The following LRP2 variants were observed in gnomAD, a reference collection of about 807,000 sequenced individuals.
The protein encoded by LRP2 is low-density lipoprotein receptor-related protein 2.
LRP2 carries 172 observed loss-of-function variants against 531.0 expected under a neutral mutation model. The observed-to-expected ratio is 0.32, with a 90% CI of 0.29 to 0.37. The LOEUF (loss-of-function observed/expected upper bound fraction) is 0.37. Ranked by LOEUF, LRP2 falls within the 10% of genes least tolerant of loss-of-function variation. The pLI is 1.00. For synonymous variants in LRP2, 1,992 were observed against 2,027.6 expected (o/e 0.98, Z 0.47); for missense variants, 5,167 against 5,868.3 (o/e 0.88, Z 3.90).
At chr2:169,171,735 GGAAAAAAAAGT>G (rs1687012286) in intron 58 of LRP2, among the ~76,000 whole-genome samples, 1 of 151,628 alleles carries the variant, frequency 6.6e-6, no homozygotes, top group Non-Finnish European at 1.5e-5. Flanking sequence ...AACTTCTTTT[GGAAAAAAAAGT>G]TGGATGTAAA....
rs961557481 is a variant in LRP2, at chr2:169,261,662, G to T, written c.2321-2445C>A. Among the ~76,000 whole-genome samples the T allele has an allele frequency of 3.9e-5, 6 of 152,174 alleles. No homozygotes were observed. In the East Asian group the frequency reaches 7.8e-4, roughly 20 times the overall value. On this transcript the variant is annotated intron_variant, in intron 16 of 78. Coordinates refer to ENST00000649046, the MANE Select transcript of LRP2 (RefSeq NM_004525.3). ...GGATTCACAGCCGAATTCTACCAGAGGTACAAGGAGGAACTGGTACCATTC... is the reference window on the plus strand; with the variant it reads ...GGATTCACAGCCGAATTCTACCAGATGTACAAGGAGGAACTGGTACCATTC...
intron 68 of LRP2, among the ~76,000 whole-genome samples, chr2:169,149,605 G>A (rs894520865): frequency 2.0e-5 from 3 of 152,088 alleles, no homozygotes; most frequent in African/African-American, 7.2e-5. Flanking sequence ...GGGAGGGCGA[G>A]GCAGATGGAT....
At chr2:169,129,157 A>C in intron 77 of LRP2, 73 bp from the exon 78 acceptor site, 1 of 1,121,194 alleles carries the variant, frequency 8.9e-7, no homozygotes, top group East Asian at 2.3e-5. Flanking sequence ...CTCCTGTCTC[A>C]GTTTTAAAAT....
chr2:169,213,727 A>G lies in LRP2; in HGVS notation c.5970T>C (p.Thr1990=), dbSNP rs1163713086. The part of the protein sequence containing the change: ...YEVIERVDKA[T]GANKIVLRDN... The stretch of plus-strand genomic sequence containing the variant: ...CTCTCAAGACTATTTTGTTGGCCCC[A>G]GTGGCCTTATCAACTCTTTCAATGA... Residue 1990 remains threonine, a synonymous_variant, in exon 36 of 79, where the codon ACT becomes ACC. Coordinates refer to ENST00000649046, the MANE Select transcript of LRP2 (RefSeq NM_004525.3). The G allele has an allele frequency of 1.2e-6, 2 of 1,613,872 alleles. No homozygotes were observed. Among genetic ancestry groups the G allele is most frequent in the Admixed American group, 1.7e-5 (1 of 60,002 alleles).
At chr2:169,332,842 T>G (rs993813034) in intron 1 of LRP2, among the ~76,000 whole-genome samples, 15 of 152,206 alleles carry the variant, frequency 9.9e-5, no homozygotes, top group African/African-American at 3.6e-4. Context: ...GAAATGTTTA[T>G]GCTTGGTGAT....
rs1392086680 is a variant in LRP2, at chr2:169,349,687, C to T, written c.79+12634G>A. On this transcript the variant is annotated intron_variant, in intron 1 of 78. Transcript: ENST00000649046. ...GGTCGTGTCCTTCCAGGACAGGCCA[C>T]ATCCAGTGATTAAGCAAGGCCATTT... is the stretch of plus-strand genomic sequence containing the variant. Among the ~76,000 whole-genome samples the T allele has an allele frequency of 2.0e-5, 3 of 152,154 alleles. No homozygotes were observed. In the South Asian group the frequency reaches 6.2e-4, roughly 32 times the overall value.
intron 50 of LRP2, among the ~76,000 whole-genome samples, chr2:169,184,554 T>C (rs1381011819): frequency 6.6e-6 from 1 of 152,222 alleles, no homozygotes; most frequent in Admixed American, 6.5e-5. Flanking sequence ...TAGTTTATGC[T>C]GCCAAGAATC....
At chr2:169,236,911 T>C (rs527819228) in intron 28 of LRP2, among the ~76,000 whole-genome samples, 192 bp downstream of exon 28, 3 of 152,326 alleles carry the variant, frequency 2.0e-5, no homozygotes, top group African/African-American at 7.2e-5. Flanking sequence ...ATTGCTCTTA[T>C]GTACTTTATG....
intron 69 of LRP2, 121 bp from the exon 70 acceptor site, chr2:169,146,044 T>C (rs1685896053): frequency 2.2e-6 from 2 of 904,676 alleles, no homozygotes; most frequent in African/African-American, 1.7e-5. Flanking sequence ...ATACAATGCC[T>C]TGAAGCTCTG....
intron 3 of LRP2, among the ~76,000 whole-genome samples, chr2:169,316,634 A>C (rs2105509891): frequency 6.6e-6 from 1 of 152,300 alleles, no homozygotes; most frequent in Middle Eastern, 3.4e-3. Flanking sequence ...GGCAACTTGC[A>C]GAGGTCCAAA....
In LRP2 at chr2:169,197,039, G is replaced by T; in HGVS notation, c.8579-9C>A. 1 of 1,613,284 alleles carries T rather than the reference G, an allele frequency of 6.2e-7. No homozygotes were observed. On this transcript the variant is annotated splice_polypyrimidine_tract_variant and intron_variant, in intron 45 of 78. Coordinates refer to ENST00000649046, the MANE Select transcript of LRP2 (RefSeq NM_004525.3). Reference sequence around the variant, plus strand: ...GCTGCACGTGTGAGTGGCTGCAGGAGGGAAAGAAGATAAAACCCATGAGCA... The same window carrying T: ...GCTGCACGTGTGAGTGGCTGCAGGATGGAAAGAAGATAAAACCCATGAGCA...
At chr2:169,266,571 G>C (rs1690810244) in intron 16 of LRP2, among the ~76,000 whole-genome samples, 1 of 152,046 alleles carries the variant, frequency 6.6e-6, no homozygotes, top group Non-Finnish European at 1.5e-5. Flanking sequence ...AAAGGAAATT[G>C]AGTAACTTCC....
At chr2:169,280,694 A>G (rs1479242874) in intron 10 of LRP2, among the ~76,000 whole-genome samples, 175 bp from the exon 11 acceptor site, 1 of 152,198 alleles carries the variant, frequency 6.6e-6, no homozygotes, top group Non-Finnish European at 1.5e-5. Context: ...ATTTTACAGA[A>G]GGGCAAATTG....
intron 8 of LRP2, 88 bp from the exon 9 acceptor site, chr2:169,289,233 G>A (rs927438529): frequency 1.3e-5 from 19 of 1,513,780 alleles, no homozygotes; most frequent in Non-Finnish European, 1.6e-5. Flanking sequence ...ATGAGTAGCA[G>A]CTCAGTAAGC....
chr2:169,318,700 T>G, intron 3 of LRP2, 62 bp downstream of exon 3: 1 of 1,612,172 alleles, frequency 6.2e-7, no homozygotes, highest in Non-Finnish European at 8.5e-7. Flanking sequence ...GTAACTTCTT[T>G]GCGACAGGTT....
intron 1 of LRP2, among the ~76,000 whole-genome samples, chr2:169,324,239 G>C (rs1391846686): frequency 6.6e-6 from 1 of 152,116 alleles, no homozygotes; most frequent in African/African-American, 2.4e-5. Flanking sequence ...TGCAAAGCAA[G>C]GATTTGAATC....
At chr2:169,337,798 G>A (rs1324825831) in intron 1 of LRP2, among the ~76,000 whole-genome samples, 2 of 152,140 alleles carry the variant, frequency 1.3e-5, no homozygotes, top group African/African-American at 2.4e-5. Context: ...AATATTACCA[G>A]GCTTACTGAT....
chr2:169,135,532 C>G (rs1045134974), intron 76 of LRP2, among the ~76,000 whole-genome samples: 1 of 152,180 alleles, frequency 6.6e-6, no homozygotes, highest in Non-Finnish European at 1.5e-5. Flanking sequence ...AGCAGTTTCT[C>G]AGGCTCTTGG....
At chr2:169,232,414 T>G (rs1689440696) in intron 30 of LRP2, among the ~76,000 whole-genome samples, 1 of 152,204 alleles carries the variant, frequency 6.6e-6, no homozygotes, top group African/African-American at 2.4e-5. Flanking sequence ...ACCATGTTAT[T>G]AATAGATTAT....
Sources: gnomAD v4.1 joint callset for allele counts (sites outside exome capture counted in the v4.1 genomes callset) on GRCh38, gnomAD v4.1.1 for gene constraint, MANE v1.5 for transcripts, NCBI Gene and HGNC (gene_info 2026-07-23, HGNC 2026-07-21) for gene names.